The following KRTAP4-12 variants were observed in gnomAD, a reference collection of about 807,000 sequenced individuals.
KRTAP4-12 encodes the protein keratin associated protein 4-12.
KRTAP4-12 carries 1 observed loss-of-function variant against 0.9 expected under a neutral mutation model. That is an observed-to-expected ratio of 1.11 (90% CI 0.40 to 5.29). The LOEUF is 5.29. Ranked by LOEUF, KRTAP4-12 falls within the 30% of genes most tolerant of loss-of-function variation. KRTAP4-12 has a pLI of 0.16. For synonymous variants in KRTAP4-12, 85 were observed against 94.0 expected (o/e 0.90, Z 0.55); for missense variants, 240 against 265.6 (o/e 0.90, Z 0.67).
At position 41,124,001 on chromosome 17, in the gene KRTAP4-12, C is replaced by A. The variant is rs551903430; in HGVS notation, c.122G>T (p.Cys41Phe). The A allele has an allele frequency of 6.2e-7, 1 of 1,605,580 alleles. No homozygotes were observed. Among genetic ancestry groups the A allele is most frequent in the African/African-American group, 1.4e-5 (1 of 70,458 alleles). The change falls in exon 1 of 1, where the codon TGT becomes TTT. Residue 41 changes from cysteine to phenylalanine, a missense_variant. By Grantham distance (205) the Cys-to-Phe change is radical. This residue lies in a region of KRTAP4-12 where 110 missense variants were observed against 115.0 expected (regional missense o/e 0.96). Transcript: ENST00000394014. ...CTGGGGCCTGCAGCAGCTGGACACACAGCAGCTGGGGCGGCAGCAGGTGGT... is the reference window on the plus strand; with the variant it reads ...CTGGGGCCTGCAGCAGCTGGACACAAAGCAGCTGGGGCGGCAGCAGGTGGT... ...CRTTCCRPSC[C>F]VSSCCRPQCC...
chr17:41,123,248 T>A lies in KRTAP4-12; in HGVS notation c.*269A>T. 1.5e-6 allele frequency: 1 copy of A among 651,536 alleles called. No individual in the cohort carries two copies. The highest frequency in any genetic ancestry group is 2.9e-5 in the East Asian group (1 of 34,344). The allele number at this position is 651,536 out of a possible 1,614,324, so 40.4% of individuals were successfully genotyped here. ...CAAATGATGGAGGCAATCTTCAAAT[T>A]CCTTAGGCATGATGAATAAATGTCC... On this transcript the variant is annotated 3_prime_UTR_variant, in exon 1 of 1. Coordinates refer to ENST00000394014, the MANE Select transcript of KRTAP4-12 (RefSeq NM_031854.3).
rs1489883033 is a variant in KRTAP4-12, at chr17:41,123,444, C to G, written c.*73G>C. On this transcript the variant is annotated 3_prime_UTR_variant, in exon 1 of 1. Transcript: ENST00000394014. ...CCCAGATCAATTCTCTTGAACAGTC[C>G]GCATGTTTGCAATGAGAGCCTTCAT... 8 of 1,521,314 alleles carry G rather than the reference C, an allele frequency of 5.3e-6. No homozygotes were observed. Among genetic ancestry groups the G allele is most frequent in the Non-Finnish European group, 7.1e-6 (8 of 1,131,714 alleles). 94.2% of individuals were successfully genotyped at this position (1,521,314 alleles called of 1,614,324 possible). A position where few individuals can be genotyped will look rare whatever the true frequency, so the allele number is the denominator to read the frequency against.
At position 41,123,597 on chromosome 17, in the gene KRTAP4-12, A is replaced by C. The variant is rs1442313617; in HGVS notation, c.526T>G (p.Cys176Gly). ...GTTGGGCGATAGCAAGTGGTGTGGC[A>C]GGAGACTCGGCCACAGACTGGACGC... ...CLRPVCGRVS[C>G]HTTCYRPTCV... The change falls in exon 1 of 1, where the codon TGC becomes GGC. Residue 176 changes from cysteine (C) to glycine (G), a missense_variant. By Grantham distance (159) the Cys-to-Gly change is radical. Transcript: ENST00000394014. 16 of 1,612,920 alleles carry C rather than the reference A, an allele frequency of 9.9e-6. No homozygotes were observed. The highest frequency in any genetic ancestry group is 1.4e-5 in the Non-Finnish European group (16 of 1,179,542).
chr17:41,123,757 C>G lies in KRTAP4-12; in HGVS notation c.366G>C (p.Val122=), dbSNP rs770025930. Residue 122 remains valine (V), a synonymous_variant, in exon 1 of 1, where the codon GTG becomes GTC. Transcript: ENST00000394014. ...AGCACTGGGGTCTGCAGCAGCTGGA[C>G]ACACAGCAGCTGGGGCGGCAGCAAG... The part of the protein sequence containing the change: ...RTTCCRPSCC[V]SSCCRPQCCQ... 2.5e-6 allele frequency: 4 copies of G among 1,609,696 alleles called. No individual in the cohort carries two copies. The East Asian group carries it at 6.7e-5, about 27-fold the overall frequency.
chr17:41,123,133 A>C lies in KRTAP4-12; in HGVS notation c.*384T>G, dbSNP rs2014433814. 1 of 306,412 alleles carries C rather than the reference A, an allele frequency of 3.3e-6. No individual in the cohort carries two copies. Among genetic ancestry groups the C allele is most frequent in the African/African-American group, 2.2e-5 (1 of 46,264 alleles). The allele number at this position is 306,412 out of a possible 1,614,324, so 19.0% of individuals were successfully genotyped here. On this transcript the variant is annotated 3_prime_UTR_variant, in exon 1 of 1. Coordinates refer to ENST00000394014, the MANE Select transcript of KRTAP4-12 (RefSeq NM_031854.3). Reference sequence around the variant, plus strand: ...ATAGAGGTTTATTTTGGTACATGGAAATAACAAGGTACAAAAATGTTTGCA... The same window carrying C: ...ATAGAGGTTTATTTTGGTACATGGACATAACAAGGTACAAAAATGTTTGCA...
rs1218132512 is a variant in KRTAP4-12, at chr17:41,123,202, G to A, written c.*315C>T. 3 of 515,566 alleles carry A rather than the reference G, an allele frequency of 5.8e-6. No homozygotes were observed. The highest frequency in any genetic ancestry group is 1.9e-5 in the African/African-American group (1 of 52,112). The allele number at this position is 515,566 out of a possible 1,614,324, so 31.9% of individuals were successfully genotyped here. ...ACTTCACTGGACTTCAAGGTTGGAG[G>A]CTTTAAGATCTGTGGCCCTACAAAT... On this transcript the variant is annotated 3_prime_UTR_variant, in exon 1 of 1. Transcript: ENST00000394014.
In KRTAP4-12 at chr17:41,123,446, C is replaced by T; in HGVS notation, c.*71G>A. On this transcript the variant is annotated 3_prime_UTR_variant, in exon 1 of 1. Transcript: ENST00000394014. The stretch of plus-strand genomic sequence containing the variant: ...CAGATCAATTCTCTTGAACAGTCCG[C>T]ATGTTTGCAATGAGAGCCTTCATCT... The T allele has an allele frequency of 6.6e-7, 1 of 1,525,128 alleles. No homozygotes were observed. Among genetic ancestry groups the T allele is most frequent in the Non-Finnish European group, 8.8e-7 (1 of 1,133,662 alleles). The allele number at this position is 1,525,128 out of a possible 1,614,324, so 94.5% of individuals were successfully genotyped here. A position where few individuals can be genotyped will look rare whatever the true frequency, so the allele number is the denominator to read the frequency against.
At position 41,123,195 on chromosome 17, in the gene KRTAP4-12, G is replaced by A. The variant is rs1335632165; in HGVS notation, c.*322C>T. 10 of 502,526 alleles carry A rather than the reference G, an allele frequency of 2.0e-5. No homozygotes were observed. Among genetic ancestry groups the A allele is most frequent in the Admixed American group, 3.8e-5 (1 of 26,410 alleles). 31.1% of individuals were successfully genotyped at this position (502,526 alleles called of 1,614,324 possible). On this transcript the variant is annotated 3_prime_UTR_variant, in exon 1 of 1. Transcript: ENST00000394014. ...GAGAGAGACTTCACTGGACTTCAAG[G>A]TTGGAGGCTTTAAGATCTGTGGCCC...
In KRTAP4-12 at chr17:41,123,389, A is replaced by G; in HGVS notation, c.*128T>C. ...GACAAAAGGTAGAATGCAAATACAG[A>G]ATTTCTAAGGATGAGGTTTGCTTAT... is the stretch of plus-strand genomic sequence containing the variant. On this transcript the variant is annotated 3_prime_UTR_variant, in exon 1 of 1. Transcript: ENST00000394014. 1 of 1,439,320 alleles carries G rather than the reference A, an allele frequency of 6.9e-7. No individual in the cohort carries two copies. Among genetic ancestry groups the G allele is most frequent in the Non-Finnish European group, 9.2e-7 (1 of 1,088,086 alleles). 89.2% of individuals were successfully genotyped at this position (1,439,320 alleles called of 1,614,324 possible).
chr17:41,123,987 A>C lies in KRTAP4-12; in HGVS notation c.136T>G (p.Cys46Gly). 6.2e-7 allele frequency: 1 copy of C among 1,604,156 alleles called. No individual in the cohort carries two copies. The highest frequency in any genetic ancestry group is 8.5e-7 in the Non-Finnish European group (1 of 1,178,982). ...CRPSCCVSSCCRPQCCQSVCC... is the reference protein window; with the variant it reads ...CRPSCCVSSCGRPQCCQSVCC... The stretch of plus-strand genomic sequence containing the variant: ...ACAGACTGGCAGCACTGGGGCCTGC[A>C]GCAGCTGGACACACAGCAGCTGGGG... The change falls in exon 1 of 1, where the codon TGC becomes GGC. Residue 46 changes from cysteine (C) to glycine (G), a missense_variant. Around this residue, in one of 3 missense-constraint regions of KRTAP4-12, gnomAD observed 110 missense variants for 115.0 expected, o/e 0.96. Transcript: ENST00000394014.
chr17:41,123,354 A>C lies in KRTAP4-12; in HGVS notation c.*163T>G. ...TTGTCAATGAATTCCTTTGGAAGGA[A>C]GGGAGTTTGGACAAAAGGTAGAATG... On this transcript the variant is annotated 3_prime_UTR_variant, in exon 1 of 1. Coordinates refer to ENST00000394014, the MANE Select transcript of KRTAP4-12 (RefSeq NM_031854.3). 1 of 1,316,920 alleles carries C rather than the reference A, an allele frequency of 7.6e-7. No individual in the cohort carries two copies. Among genetic ancestry groups the C allele is most frequent in the Non-Finnish European group, 1.0e-6 (1 of 979,776 alleles). The allele number at this position is 1,316,920 out of a possible 1,614,324, so 81.6% of individuals were successfully genotyped here. A position where few individuals can be genotyped will look rare whatever the true frequency, so the allele number is the denominator to read the frequency against.
rs776473720 is a variant in KRTAP4-12, at chr17:41,124,167, G to A, written c.-45C>T. 9 of 1,564,710 alleles carry A rather than the reference G, an allele frequency of 5.8e-6. No individual in the cohort carries two copies. The highest frequency in any genetic ancestry group is 3.7e-5 in the Admixed American group (2 of 54,320). The stretch of plus-strand genomic sequence containing the variant: ...TCTCGGTGGGTTTCCAGGAGAGTGA[G>A]TGTTCTGAGTTTGATCTCTCCTTGT... On this transcript the variant is annotated 5_prime_UTR_variant, in exon 1 of 1. Coordinates refer to ENST00000394014, the MANE Select transcript of KRTAP4-12 (RefSeq NM_031854.3).
At position 41,123,287 on chromosome 17, in the gene KRTAP4-12, G is replaced by T; in HGVS notation, c.*230C>A. The T allele has an allele frequency of 6.0e-6, 5 of 832,010 alleles. No individual in the cohort carries two copies. Among genetic ancestry groups the T allele is most frequent in the Non-Finnish European group, 9.2e-6 (5 of 541,470 alleles). The allele number at this position is 832,010 out of a possible 1,614,324, so 51.5% of individuals were successfully genotyped here. A position where few individuals can be genotyped will look rare whatever the true frequency, so the allele number is the denominator to read the frequency against. ...GAATAAATGTCCTGAAGTCAAAGAG[G>T]TGGGAGGATGTTGGAGGACAATTTG... On this transcript the variant is annotated 3_prime_UTR_variant, in exon 1 of 1. Transcript: ENST00000394014.
chr17:41,123,152 G>A lies in KRTAP4-12; in HGVS notation c.*365C>T. On this transcript the variant is annotated 3_prime_UTR_variant, in exon 1 of 1. Coordinates refer to ENST00000394014, the MANE Select transcript of KRTAP4-12 (RefSeq NM_031854.3). Reference sequence around the variant, plus strand: ...CATGGAAATAACAAGGTACAAAAATGTTTGCAAAAGACTTTAAGAGAGAGA... The same window carrying A: ...CATGGAAATAACAAGGTACAAAAATATTTGCAAAAGACTTTAAGAGAGAGA... The A allele has an allele frequency of 2.8e-6, 1 of 359,566 alleles. No individual in the cohort carries two copies. Among genetic ancestry groups the A allele is most frequent in the Non-Finnish European group, 5.0e-6 (1 of 200,840 alleles). The allele number at this position is 359,566 out of a possible 1,614,324, so 22.3% of individuals were successfully genotyped here.
Position 41,123,403 on chromosome 17 carries a change from A to T in KRTAP4-12, c.*114T>A. The T allele has an allele frequency of 1.4e-6, 2 of 1,451,122 alleles. No individual in the cohort carries two copies. Among genetic ancestry groups the T allele is most frequent in the Non-Finnish European group, 1.8e-6 (2 of 1,096,464 alleles). The allele number at this position is 1,451,122 out of a possible 1,614,324, so 89.9% of individuals were successfully genotyped here. On this transcript the variant is annotated 3_prime_UTR_variant, in exon 1 of 1. Coordinates refer to ENST00000394014, the MANE Select transcript of KRTAP4-12 (RefSeq NM_031854.3). ...TGCAAATACAGAATTTCTAAGGATGAGGTTTGCTTATGGGACCCAGATCAA... is the reference window on the plus strand; with the variant it reads ...TGCAAATACAGAATTTCTAAGGATGTGGTTTGCTTATGGGACCCAGATCAA...
Position 41,123,920 on chromosome 17 carries a change from G to T in KRTAP4-12, c.203C>A (p.Thr68Asn). 2 of 1,559,878 alleles carry T rather than the reference G, an allele frequency of 1.3e-6. No individual in the cohort carries two copies. The highest frequency in any genetic ancestry group is 1.7e-6 in the Non-Finnish European group (2 of 1,171,768). ...PTCCRPSCCQ[T>N]TCCRTTCCRP... ...GCAGCAGGTGGTCCTACAGCAGGTG[G>T]TCTGACAGCAGCTGGGGCGGCAGCA... Residue 68 changes from threonine (T) to asparagine (N), a missense_variant, in exon 1 of 1, where the codon ACC becomes AAC. Transcript: ENST00000394014.
chr17:41,123,731 C>T lies in KRTAP4-12; in HGVS notation c.392G>A (p.Cys131Tyr), dbSNP rs371303577. Residue 131 changes from cysteine (C) to tyrosine (Y), a missense_variant, in exon 1 of 1, where the codon TGC (cysteine) becomes TAC (tyrosine). Coordinates refer to ENST00000394014, the MANE Select transcript of KRTAP4-12 (RefSeq NM_031854.3). ...GGTGGGCTGGCAGCACACAGACTGG[C>T]AGCACTGGGGTCTGCAGCAGCTGGA... ...CVSSCCRPQC[C>Y]QSVCCQPTCC... The T allele has an allele frequency of 1.2e-6, 2 of 1,613,084 alleles. No individual in the cohort carries two copies. Among genetic ancestry groups the T allele is most frequent in the African/African-American group, 2.7e-5 (2 of 74,734 alleles).
Position 41,123,257 on chromosome 17 carries a change from A to G in KRTAP4-12, c.*260T>C. On this transcript the variant is annotated 3_prime_UTR_variant, in exon 1 of 1. Coordinates refer to ENST00000394014, the MANE Select transcript of KRTAP4-12 (RefSeq NM_031854.3). ...GAGGCAATCTTCAAATTCCTTAGGC[A>G]TGATGAATAAATGTCCTGAAGTCAA... 8.6e-6 allele frequency: 6 copies of G among 693,644 alleles called. No individual in the cohort carries two copies. The highest frequency in any genetic ancestry group is 3.2e-5 in the Admixed American group (1 of 31,134). The allele number at this position is 693,644 out of a possible 1,614,324, so 43.0% of individuals were successfully genotyped here. A position where few individuals can be genotyped will look rare whatever the true frequency, so the allele number is the denominator to read the frequency against.
chr17:41,123,483 C>G lies in KRTAP4-12; in HGVS notation c.*34G>C. On this transcript the variant is annotated 3_prime_UTR_variant, in exon 1 of 1. Transcript: ENST00000394014. ...GAGAGCCTTCATCTGTAGGAAAGGA[C>G]GTAATAAGGAAGTGGTGTGTTCACA... is the stretch of plus-strand genomic sequence containing the variant. The G allele has an allele frequency of 6.3e-7, 1 of 1,580,866 alleles. No individual in the cohort carries two copies. Among genetic ancestry groups the G allele is most frequent in the South Asian group, 1.2e-5 (1 of 85,780 alleles).
Sources: gnomAD v4.1 joint callset for allele counts on GRCh38, gnomAD v4.1.1 for gene constraint, gnomAD v4.1.1 regional missense constraint, MANE v1.5 for transcripts, NCBI Gene and HGNC (gene_info 2026-07-23, HGNC 2026-07-21) for gene names.